Variants in TRPM7 observed in about 807,000 individuals in gnomAD.
The protein encoded by TRPM7 is transient receptor potential cation channel subfamily M member 7.
In TRPM7, 134 loss-of-function variants were observed where a neutral mutation model predicts 229.7. That is an observed-to-expected ratio of 0.58 (90% CI 0.51 to 0.67). The LOEUF (loss-of-function observed/expected upper bound fraction) is 0.67. TRPM7 is among the 30% of genes least tolerant of loss of function. The probability of loss-of-function intolerance (pLI) is 0.00; values close to 1 mark genes in which losing one functional copy is unlikely to be tolerated. For synonymous variants in TRPM7, 699 were observed against 715.2 expected (o/e 0.98, Z 0.36); for missense variants, 1,901 against 2,210.0 (o/e 0.86, Z 2.80).
intron 1 of TRPM7, among the ~76,000 whole-genome samples, chr15:50,677,467 G>A (rs868809090): frequency 2.6e-5 from 4 of 151,990 alleles, no homozygotes; most frequent in South Asian, 4.2e-4. Flanking sequence ...GAGGCTGGGC[G>A]TGGTGGCTCA....
At chr15:50,614,405 C>A in intron 13 of TRPM7, 142 bp from the exon 14 acceptor site, 1 of 726,928 alleles carries the variant, frequency 1.4e-6, no homozygotes, top group Non-Finnish European at 2.1e-6. Context: ...TGGCTCACGC[C>A]TGTAATCCCA....
intron 21 of TRPM7, among the ~76,000 whole-genome samples, chr15:50,603,162 A>G (rs1290007328): frequency 6.6e-6 from 1 of 152,152 alleles, no homozygotes; most frequent in African/African-American, 2.4e-5. Context: ...TAAGGGGGGG[A>G]AGACACATTC....
At chr15:50,614,738 T>C (rs2060171513) in intron 13 of TRPM7, among the ~76,000 whole-genome samples, 1 of 148,204 alleles carries the variant, frequency 6.7e-6, no homozygotes, top group Admixed American at 6.7e-5. Flanking sequence ...CAGAAGGAAA[T>C]GCTTGTTTCT....
At chr15:50,592,672 G>C in intron 25 of TRPM7, 46 bp from the exon 26 acceptor site, 1 of 1,316,662 alleles carries the variant, frequency 7.6e-7, no homozygotes. Context: ...AAAAAATAAT[G>C]TAGAATTTTA....
intron 10 of TRPM7, among the ~76,000 whole-genome samples, chr15:50,629,051 G>A (rs1398717834): frequency 6.6e-6 from 1 of 152,080 alleles, no homozygotes; most frequent in Non-Finnish European, 1.5e-5. Context: ...ACTTCAAATG[G>A]TAGATATTCA....
chr15:50,679,511 A>AATATAT (rs138501624), intron 1 of TRPM7, among the ~76,000 whole-genome samples: 30 of 75,422 alleles, frequency 4.0e-4, no homozygotes, highest in African/African-American at 2.0e-3. Flanking sequence ...GTATATATAT[A>AATATAT]ATATATATAT....
chr15:50,563,987 A>G (rs568570216), intron 38 of TRPM7, among the ~76,000 whole-genome samples: 1 of 152,054 alleles, frequency 6.6e-6, no homozygotes, highest in Non-Finnish European at 1.5e-5. Flanking sequence ...AGCCTCCCCA[A>G]GTAGCTGGGA....
In TRPM7 at chr15:50,669,384, G is replaced by A. The variant is rs1049590440; in HGVS notation, c.4-6338C>T. Among the ~76,000 whole-genome samples, 15 of 152,060 alleles carry A rather than the reference G, an allele frequency of 9.9e-5. No homozygotes were observed. The South Asian group carries it at 1.2e-3, about 13-fold the overall frequency. On this transcript the variant is annotated intron_variant, in intron 1 of 38. Transcript: ENST00000646667. ...CAGGAGATGGAGGCTGCAGTGAGCC[G>A]AGGTCATGCCAGTGCACTCCAGCCT...
intron 38 of TRPM7, among the ~76,000 whole-genome samples, chr15:50,566,745 C>T (rs1003174853): frequency 2.0e-5 from 3 of 151,968 alleles, no homozygotes; most frequent in African/African-American, 7.2e-5. Flanking sequence ...TAAGTTTCTA[C>T]TTTAATAAAC....
chr15:50,631,337 T>C (rs1236672656), intron 10 of TRPM7, 80 bp downstream of exon 10: 5 of 653,736 alleles, frequency 7.6e-6, no homozygotes, highest in African/African-American at 5.6e-5. Flanking sequence ...TTTATATACA[T>C]ACACATATAC....
Position 50,559,666 on chromosome 15 carries a change from G to A in TRPM7, c.*2012C>T, listed in dbSNP as rs1439575731. ...CTTGACTTTCAAATCTGCAAAACAG[G>A]ATAATAACACCTATTTCTTTATAAC... is the stretch of plus-strand genomic sequence containing the variant. On this transcript the variant is annotated 3_prime_UTR_variant, in exon 39 of 39. Coordinates refer to ENST00000646667, the MANE Select transcript of TRPM7 (RefSeq NM_017672.6). The A allele has an allele frequency of 1.3e-5, 2 of 152,070 alleles. No homozygotes were observed. Among genetic ancestry groups the A allele is most frequent in the Non-Finnish European group, 2.9e-5 (2 of 68,020 alleles). 9.4% of individuals were successfully genotyped at this position (152,070 alleles called of 1,614,324 possible). A position where few individuals can be genotyped will look rare whatever the true frequency, so the allele number is the denominator to read the frequency against.
Position 50,574,959 on chromosome 15 carries a change from T to C in TRPM7, c.4912A>G (p.Ile1638Val). 6.2e-7 allele frequency: 1 copy of C among 1,614,188 alleles called. No individual in the cohort carries two copies. The highest frequency in any genetic ancestry group is 8.5e-7 in the Non-Finnish European group (1 of 1,180,004). ...KVQCTWSEHDILKSGHLYIIK... is the reference protein window; with the variant it reads ...KVQCTWSEHDVLKSGHLYIIK... The stretch of plus-strand genomic sequence containing the variant: ...ATATAAAGATGCCCTGATTTGAGGA[T>C]ATCATGTTCTGACCAGGTACACTGT... The change falls in exon 34 of 39, where the codon ATC becomes GTC. Residue 1638 changes from isoleucine (I) to valine (V), a missense_variant. By Grantham distance (29) the Ile-to-Val change is conservative. Coordinates refer to ENST00000646667, the MANE Select transcript of TRPM7 (RefSeq NM_017672.6).
rs897469552 is a variant in TRPM7, at chr15:50,591,782, G to A, written c.4324+129C>T. ...CAAAGTACCAGAATCACAGGTGTCT[G>A]ATTCTTTTTAAAAATTTTATAATTA... On this transcript the variant is annotated intron_variant, in intron 26 of 38. Coordinates refer to ENST00000646667, the MANE Select transcript of TRPM7 (RefSeq NM_017672.6). The A allele has an allele frequency of 1.8e-5, 13 of 710,194 alleles. No homozygotes were observed. The Admixed American group carries it at 4.8e-4, about 26-fold the overall frequency. 44.0% of individuals were successfully genotyped at this position (710,194 alleles called of 1,614,324 possible).
chr15:50,672,664 C>T (rs1266480012), intron 1 of TRPM7, among the ~76,000 whole-genome samples: 1 of 151,796 alleles, frequency 6.6e-6, no homozygotes, highest in African/African-American at 2.4e-5. Context: ...AACCCCAGCA[C>T]TTTGGGAGGC....
Position 50,596,308 on chromosome 15 carries a change from G to A in TRPM7, c.3237C>T (p.Val1079=), listed in dbSNP as rs575467501. ...GTWLTPFLQA[V]YLFVQYIIMV... The stretch of plus-strand genomic sequence containing the variant: ...TAATGATATACTGTACAAAGAGGTA[G>A]ACTGCTTGAAGAAATGGAGTCAACC... The change falls in exon 23 of 39, where the codon GTC becomes GTT. Residue 1079 remains valine, a synonymous_variant. Transcript: ENST00000646667. The A allele has an allele frequency of 1.2e-6, 2 of 1,605,370 alleles. No homozygotes were observed. The highest frequency in any genetic ancestry group is 2.2e-5 in the East Asian group (1 of 44,722).
chr15:50,684,708 C>T (rs2062320401), intron 1 of TRPM7, among the ~76,000 whole-genome samples: 1 of 152,088 alleles, frequency 6.6e-6, no homozygotes, highest in Non-Finnish European at 1.5e-5. Context: ...TACAGGGATG[C>T]ATTCAACAAA....
rs781553290 is a variant in TRPM7 at position 50,651,787 on chromosome 15, G to C, written c.123-2902C>G. ...CGCCTGTAATCCCAGCTACTCGGGA[G>C]GCTGAGGCAGAATTACTTGAACCCA... On this transcript the variant is annotated intron_variant, in intron 3 of 38. Transcript: ENST00000646667. 3.5e-4 allele frequency among the ~76,000 whole-genome samples: 54 copies of C among 152,194 alleles called. No individual in the cohort carries two copies. In the Middle Eastern group the frequency reaches 0.01, roughly 29 times the overall value.
chr15:50,655,063 T>C (rs2061523208), intron 3 of TRPM7, among the ~76,000 whole-genome samples: 2 of 90,314 alleles, frequency 2.2e-5, no homozygotes, highest in South Asian at 3.5e-4. Context: ...ATGGAGAATG[T>C]AGAAATAAGA....
At chr15:50,660,398 G>A (rs1183666320) in intron 2 of TRPM7, among the ~76,000 whole-genome samples, 1 of 151,932 alleles carries the variant, frequency 6.6e-6, no homozygotes, top group Non-Finnish European at 1.5e-5. Flanking sequence ...TACCAGGCAC[G>A]GTGACTCACT....
Sources: gnomAD v4.1 joint callset for allele counts (sites outside exome capture counted in the v4.1 genomes callset) on GRCh38, gnomAD v4.1.1 for gene constraint, MANE v1.5 for transcripts, NCBI Gene and HGNC (gene_info 2026-07-23, HGNC 2026-07-21) for gene names.